The following GPR84 variants were observed in gnomAD, a reference collection of about 807,000 sequenced individuals.
GPR84 encodes the protein G-protein coupled receptor 84.
In GPR84, 8 loss-of-function variants were observed where a neutral mutation model predicts 14.9. The ratio of observed to expected loss-of-function variants is 0.54; its 90% confidence interval spans 0.31 to 0.97. The LOEUF (loss-of-function observed/expected upper bound fraction) is 0.97, where lower values mean the gene tolerates loss of function less well. Among genes scored for constraint, GPR84 ranks in the 50% least tolerant of loss-of-function variants. GPR84 has a pLI of 0.04. For missense variants in GPR84, 424 were observed against 498.7 expected, an observed-to-expected ratio of 0.85 and a Z score of 1.43; for synonymous variants, 164 against 198.1, an observed-to-expected ratio of 0.83 and a Z score of 1.45.
At chr12:54,364,184 A>G (rs1954305465) in intron 1 of GPR84, 1 of 207,446 alleles carries the variant, frequency 4.8e-6, no homozygotes, top group South Asian at 1.3e-4. Flanking sequence ...AGTGCCCTCC[A>G]ACTTTTTTAA....
chr12:54,358,336 G>A (rs1720237894), downstream of GPR84, among the ~76,000 whole-genome samples: 1 of 152,044 alleles, frequency 6.6e-6, no homozygotes, highest in South Asian at 2.1e-4. Context: ...TCATAGGGGA[G>A]GAGGAGGAGC....
the GPR84 span, among the ~76,000 whole-genome samples, chr12:54,352,068 T>C: frequency 2.0e-5 from 3 of 152,076 alleles, no homozygotes; most frequent in South Asian, 4.2e-4. Flanking sequence ...GGGGATGGTA[T>C]TTTCTCAGTG....
downstream of GPR84, among the ~76,000 whole-genome samples, chr12:54,358,959 T>A (rs770883603): frequency 6.6e-6 from 1 of 152,006 alleles, no homozygotes; most frequent in Non-Finnish European, 1.5e-5. Flanking sequence ...CCTCGGCCCA[T>A]GTGTACCCTC....
At chr12:54,359,110 GC>G (rs1199298489), downstream of GPR84, among the ~76,000 whole-genome samples, 2 of 151,966 alleles carry the variant, frequency 1.3e-5, no homozygotes, top group Non-Finnish European at 2.9e-5. Flanking sequence ...GGGGAAAAAA[GC>G]GGGGGAGAGG....
the GPR84 span, among the ~76,000 whole-genome samples, chr12:54,354,650 G>A: frequency 7.7e-6 from 1 of 129,310 alleles, no homozygotes; most frequent in Non-Finnish European, 1.6e-5. Context: ...TCACCACGTT[G>A]GCCAGGCTGG....
chr12:54,354,466 T>C, the GPR84 span, among the ~76,000 whole-genome samples: 2 of 152,028 alleles, frequency 1.3e-5, no homozygotes, highest in South Asian at 4.1e-4. Context: ...GGAGTCTTGC[T>C]CTGTTGCCCA....
At chr12:54,360,357 G>A (rs1954256324), downstream of GPR84, among the ~76,000 whole-genome samples, 1 of 120,928 alleles carries the variant, frequency 8.3e-6, no homozygotes, top group Non-Finnish European at 2.1e-5. Context: ...CACGTGTTAA[G>A]AGTGTACCCC....
downstream of GPR84, among the ~76,000 whole-genome samples, chr12:54,359,390 A>G (rs1171560672): frequency 7.2e-6 from 1 of 139,072 alleles, no homozygotes; most frequent in Non-Finnish European, 1.5e-5. Flanking sequence ...CGTGCGAACG[A>G]GCAAGAACAG....
chr12:54,358,181 T>C (rs73316338), downstream of GPR84, among the ~76,000 whole-genome samples: 3,265 of 152,236 alleles, frequency 0.021, 116 homozygotes, highest in African/African-American at 0.075. Context: ...AAGGCCACCC[T>C]GGACTCATAA....
the GPR84 span, among the ~76,000 whole-genome samples, chr12:54,352,519 G>C: frequency 3.3e-5 from 5 of 152,112 alleles, no homozygotes; most frequent in Non-Finnish European, 7.4e-5. Context: ...TTTTAAGGAG[G>C]GGGGAGTGTG....
At chr12:54,354,435 G>T in the GPR84 span, among the ~76,000 whole-genome samples, 1 of 150,584 alleles carries the variant, frequency 6.6e-6, no homozygotes, top group Non-Finnish European at 1.5e-5. Context: ...TTTTTTGTTT[G>T]TTTGTTTGTT....
chr12:54,360,278 T>C (rs189750283), downstream of GPR84, among the ~76,000 whole-genome samples: 17 of 152,286 alleles, frequency 1.1e-4, no homozygotes, highest in Non-Finnish European at 1.9e-4. Flanking sequence ...AAAGAAATTA[T>C]AATAGATACT....
At position 54,363,491 on chromosome 12, in the gene GPR84, G is replaced by A; in HGVS notation, c.361C>T (p.Leu121Phe). ...GGAAAAAGCTTAGGGTGGGCAATGA[G>A]GAGGTAGCGTCCCAGTGCGATGAGG... ...LCLIALGRYL[L>F]IAHPKLFPQV... The change falls in exon 2 of 2, where the codon CTC becomes TTC. Residue 121 changes from leucine to phenylalanine, a missense_variant. Physicochemically the swap from Leu to Phe is conservative, Grantham distance 22. Transcript: ENST00000267015. 1 of 1,614,122 alleles carries A rather than the reference G, an allele frequency of 6.2e-7. No homozygotes were observed. The highest frequency in any genetic ancestry group is 1.6e-4 in the Middle Eastern group (1 of 6,062).
rs865842641 is a variant in GPR84 at position 54,363,475 on chromosome 12, T to C, written c.377A>G (p.Lys126Arg). ...GGCACTGAAAACTTGGGGAAAAAGC[T>C]TAGGGTGGGCAATGAGGAGGTAGCG... is the stretch of plus-strand genomic sequence containing the variant. ...LGRYLLIAHP[K>R]LFPQVFSAKG... The change falls in exon 2 of 2, where the codon AAG (lysine) becomes AGG (arginine). Residue 126 changes from lysine to arginine, a missense_variant. Physicochemically the swap from Lys to Arg is conservative, Grantham distance 26 (BLOSUM62 2). Coordinates refer to ENST00000267015, the MANE Select transcript of GPR84 (RefSeq NM_020370.3). 3.1e-6 allele frequency: 5 copies of C among 1,613,898 alleles called. No homozygotes were observed. The highest frequency in any genetic ancestry group is 3.4e-6 in the Non-Finnish European group (4 of 1,179,986).
intron 1 of GPR84, 130 bp from the exon 2 acceptor site, chr12:54,363,989 G>A (rs138849999): frequency 7.5e-5 from 44 of 585,792 alleles, no homozygotes; most frequent in African/African-American, 6.3e-4. Context: ...GTATCCTCCT[G>A]AACCATTCCC....
At chr12:54,361,851 C>T (rs1954272184), downstream of GPR84, among the ~76,000 whole-genome samples, 1 of 152,240 alleles carries the variant, frequency 6.6e-6, no homozygotes, top group Non-Finnish European at 1.5e-5. This position sits in a 1 kb window ranked among gnomAD's most constrained non-coding sequence, Gnocchi z 4.3. Context: ...TGCAAGGCAA[C>T]TGAGGGCCTG....
rs1424972000 is a variant in GPR84, at chr12:54,363,207, G to T, written c.645C>A (p.Tyr215Ter). Residue 215 changes from tyrosine (Y) to a stop codon, truncating the protein, a stop_gained, in exon 2 of 2, where the codon TAC becomes TAA. Coordinates refer to ENST00000267015, the MANE Select transcript of GPR84 (RefSeq NM_020370.3). LOFTEE classifies it low-confidence loss of function (END_TRUNC). ...AGTGGATGCTTGCCTGTCGCAACTT[G>T]TATTGGTCCAGTGCCTGTGCTGCTC... The part of the protein sequence containing the change: ...VKRAAQALDQ[Y>*]KLRQASIHSN... 1 of 1,614,098 alleles carries T rather than the reference G, an allele frequency of 6.2e-7. No individual in the cohort carries two copies. The highest frequency in any genetic ancestry group is 1.7e-5 in the Admixed American group (1 of 60,008).
At chr12:54,360,386 A>T (rs1954256778), downstream of GPR84, among the ~76,000 whole-genome samples, 1 of 152,166 alleles carries the variant, frequency 6.6e-6, no homozygotes, top group African/African-American at 2.4e-5. Flanking sequence ...CTTTGTACAG[A>T]TGATAAAATC....
At chr12:54,352,405 A>G in the GPR84 span, among the ~76,000 whole-genome samples, 9 of 152,046 alleles carry the variant, frequency 5.9e-5, no homozygotes, top group Admixed American at 5.9e-4. Flanking sequence ...CTGGCCCTGC[A>G]TCTTAATGGG....
Sources: gnomAD v4.1 joint callset for allele counts (sites outside exome capture counted in the v4.1 genomes callset) on GRCh38, gnomAD v4.1.1 for gene constraint, Gnocchi (gnomAD v3.1) non-coding constraint, MANE v1.5 for transcripts, NCBI Gene and HGNC (gene_info 2026-07-23, HGNC 2026-07-21) for gene names.